CHD8: variants seen among roughly 807,000 people sequenced by gnomAD.
CHD8 encodes ATP-dependent chromatin remodeler CHD8.
Under a neutral mutation model 279.2 loss-of-function variants are expected in CHD8, and 31 were observed. The ratio of observed to expected loss-of-function variants is 0.11; its 90% CI spans 0.08 to 0.15. The LOEUF (loss-of-function observed/expected upper bound fraction) is 0.15. Among genes scored for constraint, CHD8 ranks in the 10% least tolerant of loss-of-function variants. The pLI, the probability that CHD8 is intolerant of heterozygous loss-of-function variation, is 1.00. For missense variants in CHD8, 2,146 were observed against 3,230.5 expected (o/e 0.66, Z 8.14); for synonymous variants, 1,081 against 1,139.6 (o/e 0.95, Z 1.04).
intron 27 of CHD8, chr14:21,397,137 T>C (rs976846910): frequency 6.6e-5 from 16 of 242,476 alleles, no homozygotes; most frequent in Admixed American, 2.3e-4. Context: ...TGTGTTCTTC[T>C]GAGCAGACAG....
intron 11 of CHD8, among the ~76,000 whole-genome samples, chr14:21,409,165 C>T (rs370013216): frequency 6.6e-6 from 1 of 152,284 alleles, no homozygotes; most frequent in East Asian, 1.9e-4. Flanking sequence ...AAAAACACGG[C>T]TAGTGGCTAC....
At chr14:21,436,042 T>A (rs1889767540) in intron 1 of CHD8, among the ~76,000 whole-genome samples, 1 of 152,348 alleles carries the variant, frequency 6.6e-6, no homozygotes, top group East Asian at 1.9e-4. Context: ...ACTTATAGAT[T>A]TCTCCGTAGT....
chr14:21,416,146 C>T (rs1429251401), intron 5 of CHD8: 2 of 376,548 alleles, frequency 5.3e-6, no homozygotes, highest in African/African-American at 4.2e-5. Flanking sequence ...AACCTGTCCA[C>T]TAGTGGCAAG....
In CHD8 at chr14:21,430,811, G is replaced by A; in HGVS notation, c.833C>T (p.Thr278Ile). 6.3e-7 allele frequency: 1 copy of A among 1,595,686 alleles called. No homozygotes were observed. The highest frequency in any genetic ancestry group is 8.5e-7 in the Non-Finnish European group (1 of 1,177,286). The change falls in exon 2 of 38, where the codon ACA (threonine) becomes ATA (isoleucine). Residue 278 changes from threonine to isoleucine, a missense_variant. Physicochemically the swap from Thr to Ile is moderately conservative, Grantham distance 89 (BLOSUM62 -1). Transcript: ENST00000646647. Reference sequence around the variant, plus strand: ...TTTCACTCAAGTCACCTGGGTAGGTGTAGAGGTCAGTGTAACTGCAGGCTT... The same window carrying A: ...TTTCACTCAAGTCACCTGGGTAGGTATAGAGGTCAGTGTAACTGCAGGCTT... The part of the protein sequence containing the change: ...PLKPAVTLTS[T>I]PTQGESKRIT...
Position 21,405,171 on chromosome 14 carries a change from A to G in CHD8, c.3307+38T>C, listed in dbSNP as rs769625990. ...AATCATCCGGAAAGTAAACACAGGT[A>G]CTACAGAAGTTCAGGTATATACCAA... On this transcript the variant is annotated intron_variant, in intron 16 of 37. Transcript: ENST00000646647. The surrounding 1 kb of genome is among the most constrained non-coding windows in gnomAD (Gnocchi z 4.2). 20 of 1,600,328 alleles carry G rather than the reference A, an allele frequency of 1.2e-5. No individual in the cohort carries two copies. Among genetic ancestry groups the G allele is most frequent in the Middle Eastern group, 1.7e-4 (1 of 6,028 alleles).
At position 21,405,577 on chromosome 14, in the gene CHD8, T is replaced by G; in HGVS notation, c.3052-113A>C. The G allele has an allele frequency of 6.8e-7, 1 of 1,481,162 alleles. No homozygotes were observed. The highest frequency in any genetic ancestry group is 9.1e-7 in the Non-Finnish European group (1 of 1,095,506). 91.8% of individuals were successfully genotyped at this position (1,481,162 alleles called of 1,614,324 possible). Reference sequence around the variant, plus strand: ...TTCCACTATCTAAGAAATGTATACTTTGGATGATGCCACAAATGATGTAGG... The same window carrying G: ...TTCCACTATCTAAGAAATGTATACTGTGGATGATGCCACAAATGATGTAGG... On this transcript the variant is annotated intron_variant, in intron 15 of 37. Transcript: ENST00000646647. The surrounding 1 kb of genome is among the most constrained non-coding windows in gnomAD (Gnocchi z 4.2).
At chr14:21,428,561 G>A (rs776548238) in intron 3 of CHD8, among the ~76,000 whole-genome samples, 12 of 152,042 alleles carry the variant, frequency 7.9e-5, no homozygotes, top group Non-Finnish European at 1.6e-4. Flanking sequence ...CTGGCCTAAC[G>A]GTAAAAAAAT....
intron 20 of CHD8, 78 bp from the exon 21 acceptor site, chr14:21,401,591 C>A: frequency 1.1e-6 from 1 of 936,580 alleles, no homozygotes; most frequent in Non-Finnish European, 1.6e-6. Flanking sequence ...GTTTTAAAAA[C>A]ATTTTTTTTT....
At chr14:21,434,341 G>T (rs1373834977) in intron 1 of CHD8, among the ~76,000 whole-genome samples, 1 of 152,132 alleles carries the variant, frequency 6.6e-6, no homozygotes, top group Non-Finnish European at 1.5e-5. Context: ...CCACCACGCT[G>T]AAAGTTTCTA....
chr14:21,414,474 C>G, intron 8 of CHD8, 56 bp from the exon 9 acceptor site: 1 of 967,152 alleles, frequency 1.0e-6, no homozygotes, highest in Non-Finnish European at 1.6e-6. Context: ...TGGCAGGCTA[C>G]TGTCTGAAAT....
At position 21,431,741 on chromosome 14, in the gene CHD8, G is replaced by A; in HGVS notation, c.-98C>T. 6.2e-7 allele frequency: 1 copy of A among 1,612,234 alleles called. No individual in the cohort carries two copies. Among genetic ancestry groups the A allele is most frequent in the Admixed American group, 1.7e-5 (1 of 59,970 alleles). ...TCCCCTCCCCTATTAAGAAAAAAAT[G>A]TACACAATGTAAGAGGACTACTCTT... On this transcript the variant is annotated 5_prime_UTR_variant, in exon 2 of 38. Transcript: ENST00000646647.
intron 20 of CHD8, 33 bp from the exon 21 acceptor site, chr14:21,401,546 C>CTTTT: frequency 5.7e-6 from 5 of 874,276 alleles, no homozygotes; most frequent in Non-Finnish European, 6.6e-6. Flanking sequence ...GTAAAGCTGA[C>CTTTT]TTTTTTTTTT....
Position 21,393,797 on chromosome 14 carries a change from G to A in CHD8, c.5998C>T (p.Arg2000Cys), listed in dbSNP as rs560268353. 54 of 1,613,924 alleles carry A rather than the reference G, an allele frequency of 3.3e-5. No homozygotes were observed. The highest frequency in any genetic ancestry group is 8.0e-5 in the African/African-American group (6 of 75,050). ...TSRTASPLPL[R>C]PDAPVEKSPE... is the part of the protein sequence containing the mutation. ...GACTTTTCAACAGGAGCATCTGGGC[G>A]CAGGGGCAGTGGTGAGGCAGTGCGT... Residue 2000 changes from arginine (R) to cysteine (C), a missense_variant, in exon 32 of 38, where the codon CGC becomes TGC. Arg to Cys is a radical substitution (Grantham distance 180). Around this residue, in one of 26 missense-constraint regions of CHD8, gnomAD observed 513 missense variants for 637.6 expected, o/e 0.80. Transcript: ENST00000646647.
chr14:21,390,947 C>CT lies in CHD8; in HGVS notation c.7181dup (p.His2396SerfsTer4). ...GTGGTAATGCTGCAATTTCTCTCAC[C>CT]TTTTTCCCATTTCTAGAGTTAGCTG... On this transcript the variant is annotated frameshift_variant and splice_region_variant, in exon 37 of 38. Coordinates refer to ENST00000646647, the MANE Select transcript of CHD8 (RefSeq NM_001170629.2). LOFTEE classifies it high-confidence loss of function. 1 of 1,537,626 alleles carries CT rather than the reference C, an allele frequency of 6.5e-7. No homozygotes were observed. The highest frequency in any genetic ancestry group is 8.9e-7 in the Non-Finnish European group (1 of 1,118,610).
chr14:21,431,804 T>C lies in CHD8; in HGVS notation c.-161A>G. ...CAAGAAACAAGTGCATGTCAGATTG[T>C]CCTGACCTTCATGGAGCAAGATGGC... On this transcript the variant is annotated 5_prime_UTR_variant, in exon 2 of 38. Transcript: ENST00000646647. 2 of 1,613,588 alleles carry C rather than the reference T, an allele frequency of 1.2e-6. No homozygotes were observed. Among genetic ancestry groups the C allele is most frequent in the Non-Finnish European group, 1.7e-6 (2 of 1,179,550 alleles).
chr14:21,452,657 A>C (rs1318656388), intron 1 of CHD8, among the ~76,000 whole-genome samples: 1 of 151,846 alleles, frequency 6.6e-6, no homozygotes, highest in Non-Finnish European at 1.5e-5. Context: ...GAAAAAAAAA[A>C]AAGAAAACTT....
intron 5 of CHD8, chr14:21,425,848 A>G (rs2139526012): frequency 3.1e-6 from 1 of 323,314 alleles, no homozygotes; most frequent in East Asian, 5.5e-5. Flanking sequence ...AGGCAGGATA[A>G]TCGTTTGAAA....
intron 34 of CHD8, chr14:21,392,246 C>T: frequency 1.3e-6 from 1 of 758,254 alleles, no homozygotes; most frequent in Non-Finnish European, 2.4e-6. Context: ...GGCAACTCAT[C>T]ACAGGGGCAA....
intron 2 of CHD8, 129 bp downstream of exon 2, chr14:21,430,672 A>C (rs1286738299): frequency 3.2e-6 from 2 of 632,820 alleles, no homozygotes; most frequent in Non-Finnish European, 2.7e-6. Context: ...CTGTCACACT[A>C]ACTGATAAAA....
Sources: allele counts gnomAD v4.1 joint callset (sites outside exome capture counted in the v4.1 genomes callset), GRCh38; gene constraint gnomAD v4.1.1; regional missense constraint gnomAD v4.1.1; non-coding constraint Gnocchi (gnomAD v3.1); transcripts MANE v1.5; gene names NCBI Gene and HGNC (gene_info 2026-07-23, HGNC 2026-07-21).